Variants in PLCB1 observed in about 807,000 individuals in gnomAD.
PLCB1 encodes 1-phosphatidylinositol 4,5-bisphosphate phosphodiesterase beta-1.
PLCB1 carries 46 observed loss-of-function variants against 161.8 expected under a neutral mutation model. That is an observed-to-expected ratio of 0.28 (90% CI 0.22 to 0.36). The LOEUF (loss-of-function observed/expected upper bound fraction) is 0.36. PLCB1 is among the 10% of genes least tolerant of loss of function. The pLI is 1.00. For synonymous variants in PLCB1, 517 were observed against 503.7 expected (o/e 1.03, Z -0.35); for missense variants, 1,016 against 1,472.5 (o/e 0.69, Z 5.07).
chr20:8,658,496 A>T (rs748999556), intron 8 of PLCB1, 42 bp from the exon 9 acceptor site: 1 of 1,446,432 alleles, frequency 6.9e-7, no homozygotes, highest in Non-Finnish European at 9.4e-7. Flanking sequence ...AATGAAACTT[A>T]GTTTAAAAAA....
intron 2 of PLCB1, 64 bp downstream of exon 2, chr20:8,150,435 G>A (rs2051498211): frequency 7.1e-6 from 5 of 701,750 alleles, no homozygotes; most frequent in South Asian, 5.9e-5. Flanking sequence ...AAGTATTTAT[G>A]TATCTTATCT....
intron 22 of PLCB1, among the ~76,000 whole-genome samples, chr20:8,740,750 G>A (rs562300554): frequency 3.0e-4 from 45 of 152,184 alleles, no homozygotes; most frequent in Admixed American, 2.9e-3. Context: ...TACAACAAAT[G>A]TCTAGGTCTG....
chr20:8,781,837 T>C (rs1314989747), intron 27 of PLCB1, among the ~76,000 whole-genome samples: 2 of 152,168 alleles, frequency 1.3e-5, no homozygotes, highest in African/African-American at 2.4e-5. Context: ...GTGAGACTTA[T>C]TCGCTATCAC....
chr20:8,368,528 C>CAAAAAAAAAAAAAAAAAAAA (rs1216338206), intron 2 of PLCB1, among the ~76,000 whole-genome samples: 2 of 63,808 alleles, frequency 3.1e-5, no homozygotes, highest in African/African-American at 1.2e-4. Context: ...CTCTGTCTCT[C>CAAAAAAAAAAAAAAAAAAAA]AAAAAAAAAA....
intron 2 of PLCB1, among the ~76,000 whole-genome samples, chr20:8,309,136 G>GA (rs1216269410): frequency 6.6e-6 from 1 of 152,134 alleles, no homozygotes; most frequent in Non-Finnish European, 1.5e-5. Flanking sequence ...TGAGGTGGGA[G>GA]AATCTCTGGT....
At chr20:8,155,395 T>A (rs2051548712) in intron 2 of PLCB1, among the ~76,000 whole-genome samples, 1 of 152,218 alleles carries the variant, frequency 6.6e-6, no homozygotes, top group African/African-American at 2.4e-5. Flanking sequence ...TACAGAGTGA[T>A]GATTCAGTTT....
chr20:8,697,625 G>A lies in PLCB1; in HGVS notation c.1010-1G>A. ...GGGTTTGTTTTGTTGGTGTTTTATAGCTGGCCAACTGGCTGGAAACTCCTC... is the reference window on the plus strand; with the variant it reads ...GGGTTTGTTTTGTTGGTGTTTTATAACTGGCCAACTGGCTGGAAACTCCTC... On this transcript the variant is annotated splice_acceptor_variant, in intron 10 of 31. Coordinates refer to ENST00000338037, the MANE Select transcript of PLCB1 (RefSeq NM_015192.4). LOFTEE classifies it high-confidence loss of function. 6.2e-7 allele frequency: 1 copy of A among 1,613,942 alleles called. No homozygotes were observed. Among genetic ancestry groups the A allele is most frequent in the Non-Finnish European group, 8.5e-7 (1 of 1,179,918 alleles).
At chr20:8,497,695 T>C (rs190969481) in intron 3 of PLCB1, among the ~76,000 whole-genome samples, 1 of 152,244 alleles carries the variant, frequency 6.6e-6, no homozygotes, top group East Asian at 1.9e-4. Context: ...AATGATTGTG[T>C]GTGGGTGATT....
chr20:8,312,157 A>G (rs1600305497), intron 2 of PLCB1, among the ~76,000 whole-genome samples: 2 of 152,198 alleles, frequency 1.3e-5, no homozygotes, highest in East Asian at 3.9e-4. Flanking sequence ...ACTCTCAGAG[A>G]GTTATCCTTG....
In PLCB1 at chr20:8,493,323, A is replaced by G. The variant is rs1259658420; in HGVS notation, c.246+121873A>G. On this transcript the variant is annotated intron_variant, in intron 3 of 31. Coordinates refer to ENST00000338037, the MANE Select transcript of PLCB1 (RefSeq NM_015192.4). Reference sequence around the variant, plus strand: ...CTGACTTAAAAAAAATACTCCAAAAATAATTTGAGTTTAGAGCAAAAGCAA... The same window carrying G: ...CTGACTTAAAAAAAATACTCCAAAAGTAATTTGAGTTTAGAGCAAAAGCAA... Among the ~76,000 whole-genome samples, 3 of 152,228 alleles carry G rather than the reference A, an allele frequency of 2.0e-5. No individual in the cohort carries two copies. In the East Asian group the frequency reaches 5.8e-4, roughly 29 times the overall value.
chr20:8,726,989 C>T (rs1010616089), intron 16 of PLCB1, among the ~76,000 whole-genome samples: 14 of 152,134 alleles, frequency 9.2e-5, no homozygotes, highest in East Asian at 1.9e-4. Context: ...AAAAGATTCC[C>T]ACGGGGTCCC....
chr20:8,870,487 C>A (rs570842175), intron 31 of PLCB1, among the ~76,000 whole-genome samples: 1 of 151,958 alleles, frequency 6.6e-6, no homozygotes, highest in African/African-American at 2.4e-5. Flanking sequence ...TCCTCTGTGG[C>A]GGTTTCATGG....
chr20:8,492,630 G>C (rs1193425595), intron 3 of PLCB1, among the ~76,000 whole-genome samples: 4 of 151,996 alleles, frequency 2.6e-5, no homozygotes, highest in Non-Finnish European at 5.9e-5. Context: ...AAAATGGTGG[G>C]GTTGGGGCTG....
At chr20:8,563,230 T>C (rs1026691499) in intron 3 of PLCB1, among the ~76,000 whole-genome samples, 5 of 152,064 alleles carry the variant, frequency 3.3e-5, no homozygotes, top group Admixed American at 2.0e-4. Context: ...AAGTAATTGA[T>C]TTTTTAAAAA....
At chr20:8,770,374 T>A (rs1365726333) in intron 26 of PLCB1, among the ~76,000 whole-genome samples, 1 of 152,260 alleles carries the variant, frequency 6.6e-6, no homozygotes, top group African/African-American at 2.4e-5. Context: ...CACAGCCAGT[T>A]CAAGCAAAGC....
At chr20:8,864,436 C>T (rs1482896966) in intron 31 of PLCB1, among the ~76,000 whole-genome samples, 1 of 152,210 alleles carries the variant, frequency 6.6e-6, no homozygotes, top group Non-Finnish European at 1.5e-5. Context: ...CATTCTCCTA[C>T]TAGTCTTGGG....
intron 11 of PLCB1, among the ~76,000 whole-genome samples, chr20:8,699,426 G>C (rs1268539334): frequency 6.6e-6 from 1 of 152,176 alleles, no homozygotes; most frequent in Non-Finnish European, 1.5e-5. Context: ...TCTGAATAAG[G>C]GTGGCTCAGT....
intron 2 of PLCB1, among the ~76,000 whole-genome samples, chr20:8,279,598 A>C (rs1982775551): frequency 6.6e-6 from 1 of 152,228 alleles, no homozygotes; most frequent in Non-Finnish European, 1.5e-5. Flanking sequence ...TTAAAACTGT[A>C]AATTTTGTTA....
intron 1 of PLCB1, among the ~76,000 whole-genome samples, chr20:8,133,966 A>T (rs1287791804): frequency 6.6e-6 from 1 of 152,220 alleles, no homozygotes; most frequent in Non-Finnish European, 1.5e-5. Flanking sequence ...CCAATTACTT[A>T]GCTGAGTGCG....
Sources: allele counts gnomAD v4.1 joint callset (sites outside exome capture counted in the v4.1 genomes callset), GRCh38; gene constraint gnomAD v4.1.1; transcripts MANE v1.5; gene names NCBI Gene and HGNC (gene_info 2026-07-23, HGNC 2026-07-21).